The following LRRC4C variants were observed in gnomAD, a reference collection of about 807,000 sequenced individuals.
LRRC4C encodes leucine-rich repeat-containing protein 4C.
Under a neutral mutation model 33.6 loss-of-function variants are expected in LRRC4C, and 5 were observed. The ratio of observed to expected loss-of-function variants is 0.15; its 90% CI spans 0.08 to 0.31. LRRC4C has a LOEUF of 0.31. Ranked by LOEUF, LRRC4C falls within the 10% of genes least tolerant of loss-of-function variation. The pLI is 1.00. For missense variants in LRRC4C, 560 were observed against 796.7 expected (o/e 0.70, Z 3.58); for synonymous variants, 329 against 302.0 (o/e 1.09, Z -0.93).
intron 2 of LRRC4C, among the ~76,000 whole-genome samples, chr11:40,929,846 AC>A (rs1957545206): frequency 6.6e-6 from 1 of 152,106 alleles, no homozygotes; most frequent in Non-Finnish European, 1.5e-5. Context: ...TTTTTCCAAG[AC>A]CTTTCCTCTA....
Position 40,286,800 on chromosome 11 carries a change from C to T in LRRC4C, c.-176+32828G>A, listed in dbSNP as rs114567280. On this transcript the variant is annotated intron_variant, in intron 4 of 6. Coordinates refer to ENST00000528697, the MANE Select transcript of LRRC4C (RefSeq NM_001258419.2). ...GGTTAATTGACAAATTTAGGGGCCC[C>T]AGCTAACAGGTGATGAAACAAAGTT... 6.5e-3 allele frequency among the ~76,000 whole-genome samples: 994 copies of T among 152,128 alleles called. 10 individuals carry two copies. The highest frequency in any genetic ancestry group is 0.022 in the African/African-American group (911 of 41,510).
chr11:41,184,833 AG>A (rs1257991724), intron 1 of LRRC4C, among the ~76,000 whole-genome samples: 3 of 142,416 alleles, frequency 2.1e-5, no homozygotes, highest in Admixed American at 1.4e-4. Context: ...AAAAAAAAAA[AG>A]GTTTAATGGA....
At chr11:41,423,467 A>G (rs562330181) in intron 1 of LRRC4C, among the ~76,000 whole-genome samples, 13 of 152,240 alleles carry the variant, frequency 8.5e-5, no homozygotes, top group Admixed American at 2.6e-4. Flanking sequence ...GGTTGAACAT[A>G]TAAAGCACAT....
intron 3 of LRRC4C, among the ~76,000 whole-genome samples, chr11:40,408,578 A>G (rs1007269572): frequency 6.6e-6 from 1 of 151,974 alleles, no homozygotes; most frequent in African/African-American, 2.4e-5. Flanking sequence ...AAAGTTAATA[A>G]ATGCAGAATA....
At chr11:41,181,993 C>A (rs571635802) in intron 1 of LRRC4C, among the ~76,000 whole-genome samples, 2 of 152,272 alleles carry the variant, frequency 1.3e-5, no homozygotes, top group Non-Finnish European at 2.9e-5. Context: ...AAGGAGTTTA[C>A]AGTGATGATT....
At chr11:40,987,744 G>A (rs757473719) in intron 1 of LRRC4C, among the ~76,000 whole-genome samples, 12 of 147,100 alleles carry the variant, frequency 8.2e-5, no homozygotes, top group South Asian at 2.1e-4. Context: ...TAAAAAAATC[G>A]TGGTCTCTTT....
intron 1 of LRRC4C, among the ~76,000 whole-genome samples, chr11:41,166,893 T>C (rs145947725): frequency 9.8e-4 from 150 of 152,322 alleles, no homozygotes; most frequent in Middle Eastern, 3.4e-3. Context: ...AACAATGGCA[T>C]GTGATGACTA....
chr11:41,356,191 C>A (rs564023988), intron 1 of LRRC4C, among the ~76,000 whole-genome samples: 3 of 152,102 alleles, frequency 2.0e-5, no homozygotes, highest in Non-Finnish European at 2.9e-5. Flanking sequence ...GCTAGACCCA[C>A]CCATTCCCAA....
At chr11:41,174,161 T>C (rs1945097395) in intron 1 of LRRC4C, among the ~76,000 whole-genome samples, 1 of 152,048 alleles carries the variant, frequency 6.6e-6, no homozygotes, top group Admixed American at 6.6e-5. Context: ...AAACTGATCA[T>C]AACAACAGCA....
chr11:40,270,440 A>G (rs1228575501), intron 4 of LRRC4C, among the ~76,000 whole-genome samples: 1 of 151,820 alleles, frequency 6.6e-6, no homozygotes, highest in African/African-American at 2.4e-5. Context: ...ATTTTGCATT[A>G]GGGCCCACTC....
intron 6 of LRRC4C, among the ~76,000 whole-genome samples, chr11:40,133,086 A>C (rs1856753431): frequency 6.6e-6 from 1 of 152,184 alleles, no homozygotes; most frequent in Non-Finnish European, 1.5e-5. Context: ...GTAAGTTGGT[A>C]ATGCGGTTAA....
intron 3 of LRRC4C, among the ~76,000 whole-genome samples, chr11:40,471,408 A>C (rs954774862): frequency 1.3e-5 from 2 of 152,206 alleles, no homozygotes; most frequent in Admixed American, 6.5e-5. Context: ...TAAAGGAACA[A>C]CTGGTACCAG....
At chr11:40,382,683 C>CTTTTTTTTTTTTTTTT (rs1590541837) in intron 3 of LRRC4C, among the ~76,000 whole-genome samples, 1 of 113,300 alleles carries the variant, frequency 8.8e-6, no homozygotes, top group African/African-American at 3.8e-5. Context: ...AACTTGTACT[C>CTTTTTTTTTTTTTTTT]ATTTTTTTTT....
chr11:40,483,932 T>G (rs996851906), intron 3 of LRRC4C, among the ~76,000 whole-genome samples: 10 of 151,938 alleles, frequency 6.6e-5, no homozygotes, highest in Non-Finnish European at 1.3e-4. Flanking sequence ...GACAATTCAC[T>G]GTAAAACAAA....
chr11:41,078,019 G>A (rs748675179), intron 1 of LRRC4C, among the ~76,000 whole-genome samples: 11 of 152,106 alleles, frequency 7.2e-5, no homozygotes, highest in Admixed American at 2.0e-4. Context: ...GGGGCAAAAC[G>A]CCACCAGTCT....
Position 41,206,129 on chromosome 11 carries a change from A to G in LRRC4C, c.-496+253302T>C, listed in dbSNP as rs568774077. Among the ~76,000 whole-genome samples the G allele has an allele frequency of 7.9e-5, 12 of 152,324 alleles. No homozygotes were observed. In the South Asian group the frequency reaches 2.3e-3, roughly 29 times the overall value. ...CTAAAGATTAGGTAGGGCTTCCCACACACTTCAGATGAGAACAAGGAAACA... is the reference window on the plus strand; with the variant it reads ...CTAAAGATTAGGTAGGGCTTCCCACGCACTTCAGATGAGAACAAGGAAACA... On this transcript the variant is annotated intron_variant, in intron 1 of 6. Transcript: ENST00000528697.
At chr11:41,381,437 C>T (rs193053740) in intron 1 of LRRC4C, among the ~76,000 whole-genome samples, 49 of 151,980 alleles carry the variant, frequency 3.2e-4, no homozygotes, top group African/African-American at 1.2e-3. Flanking sequence ...ACCAGCCTGG[C>T]CAATAGGGTG....
chr11:40,391,737 C>A (rs951347296), intron 3 of LRRC4C, among the ~76,000 whole-genome samples: 1 of 152,126 alleles, frequency 6.6e-6, no homozygotes, highest in Admixed American at 6.6e-5. Flanking sequence ...AGTGACAAAA[C>A]CACACACTGC....
At chr11:41,431,119 A>G (rs1955218504) in intron 1 of LRRC4C, among the ~76,000 whole-genome samples, 1 of 152,126 alleles carries the variant, frequency 6.6e-6, no homozygotes, top group South Asian at 2.1e-4. Flanking sequence ...TTAATTGTAC[A>G]TTAACCTGAA....
Sources: allele counts gnomAD v4.1 joint callset (sites outside exome capture counted in the v4.1 genomes callset), GRCh38; gene constraint gnomAD v4.1.1; transcripts MANE v1.5; gene names NCBI Gene and HGNC (gene_info 2026-07-23, HGNC 2026-07-21).